Variants in BRINP1 observed in about 807,000 individuals in gnomAD.
BRINP1 encodes the protein BMP/retinoic acid inducible neural specific 1.
In BRINP1, 17 loss-of-function variants were observed where a neutral mutation model predicts 72.9. The ratio of observed to expected loss-of-function variants is 0.23; its 90% CI spans 0.16 to 0.35. The LOEUF is 0.35. Among genes scored for constraint, BRINP1 ranks in the 10% least tolerant of loss-of-function variants. BRINP1 has a pLI of 1.00. For synonymous variants in BRINP1, 418 were observed against 378.5 expected (o/e 1.10, Z -1.21); for missense variants, 850 against 1,001.6 (o/e 0.85, Z 2.04).
chr9:119,203,211 A>G (rs1829822214), intron 7 of BRINP1, among the ~76,000 whole-genome samples: 1 of 152,140 alleles, frequency 6.6e-6, no homozygotes, highest in African/African-American at 2.4e-5. Flanking sequence ...TGCTCTGCAC[A>G]GTGATCTTGA....
In BRINP1 at chr9:119,355,528, A is replaced by G. The variant is rs548906338; in HGVS notation, c.-51+13528T>C. ...CGAATCACAAGGTCAGGAGATTGAG[A>G]CCATCCTGGCTAACATGGTAAAACC... is the stretch of plus-strand genomic sequence containing the variant. On this transcript the variant is annotated intron_variant, in intron 1 of 7. Transcript: ENST00000265922. Among the ~76,000 whole-genome samples the G allele has an allele frequency of 4.6e-5, 7 of 152,188 alleles. No individual in the cohort carries two copies. The South Asian group carries it at 1.5e-3, about 32-fold the overall frequency.
At chr9:119,294,853 T>TAAAAAAAAAAAAAA (rs59715609) in intron 2 of BRINP1, among the ~76,000 whole-genome samples, 1 of 128,034 alleles carries the variant, frequency 7.8e-6, no homozygotes, top group Non-Finnish European at 1.6e-5. Flanking sequence ...GACACTACGT[T>TAAAAAAAAAAAAAA]AAAAAAAAAA....
chr9:119,172,779 C>G (rs965469985), intron 7 of BRINP1, among the ~76,000 whole-genome samples: 1 of 152,022 alleles, frequency 6.6e-6, no homozygotes, highest in African/African-American at 2.4e-5. Flanking sequence ...AAAGCTTATC[C>G]ACCACGATCA....
At chr9:119,274,416 G>A (rs1294923308) in intron 2 of BRINP1, among the ~76,000 whole-genome samples, 1 of 152,150 alleles carries the variant, frequency 6.6e-6, no homozygotes, top group Non-Finnish European at 1.5e-5. Flanking sequence ...ATTCCTCTAG[G>A]GTGACTAACA....
At chr9:119,355,586 G>A (rs560986324) in intron 1 of BRINP1, among the ~76,000 whole-genome samples, 205 of 152,100 alleles carry the variant, frequency 1.3e-3, no homozygotes, top group Non-Finnish European at 2.1e-3. Flanking sequence ...AAAATTAGCC[G>A]GGCGTGGTGG....
intron 1 of BRINP1, among the ~76,000 whole-genome samples, chr9:119,333,868 A>T (rs1250817731): frequency 6.6e-6 from 1 of 152,186 alleles, no homozygotes; most frequent in African/African-American, 2.4e-5. Flanking sequence ...TCTTCAAAAC[A>T]CAAACCATTT....
chr9:119,363,726 G>C (rs1469710851), intron 1 of BRINP1, among the ~76,000 whole-genome samples: 2 of 152,086 alleles, frequency 1.3e-5, no homozygotes, highest in Non-Finnish European at 2.9e-5. Context: ...GCCCAGACCT[G>C]TGCTATTCAA....
At chr9:119,266,026 G>C (rs1443477593) in intron 2 of BRINP1, among the ~76,000 whole-genome samples, 2 of 152,102 alleles carry the variant, frequency 1.3e-5, no homozygotes, top group Middle Eastern at 3.2e-3. Flanking sequence ...TGTTCTTTTT[G>C]AATTTACCTT....
intron 6 of BRINP1, among the ~76,000 whole-genome samples, chr9:119,210,857 T>C (rs193179653): frequency 3.0e-4 from 45 of 152,234 alleles, no homozygotes; most frequent in Non-Finnish European, 5.1e-4. Flanking sequence ...GAGAATGACA[T>C]AGTGGCATAG....
chr9:119,251,042 A>G (rs1217456848), intron 2 of BRINP1, among the ~76,000 whole-genome samples: 1 of 152,200 alleles, frequency 6.6e-6, no homozygotes, highest in African/African-American at 2.4e-5. Flanking sequence ...TGGGTCTGAG[A>G]AAAGCTTTCA....
At chr9:119,323,559 T>C (rs1831211329) in intron 1 of BRINP1, among the ~76,000 whole-genome samples, 1 of 152,128 alleles carries the variant, frequency 6.6e-6, no homozygotes, top group African/African-American at 2.4e-5. Flanking sequence ...AGATACATTT[T>C]CCTACATCAA....
rs927945180 is a variant in BRINP1, at chr9:119,368,541, G to A, written c.-51+515C>T. Among the ~76,000 whole-genome samples the A allele has an allele frequency of 5.3e-5, 8 of 152,030 alleles. No individual in the cohort carries two copies. The highest frequency in any genetic ancestry group is 3.9e-4 in the Admixed American group (6 of 15,276). On this transcript the variant is annotated intron_variant, in intron 1 of 7. Transcript: ENST00000265922. The surrounding 1 kb of genome is among the most constrained non-coding windows in gnomAD (Gnocchi z 4.7). ...GAGGAAGTCCACAGCGGGTTTCCCGGTGACTACGTGATCCTATAGTAAGGG... is the reference window on the plus strand; with the variant it reads ...GAGGAAGTCCACAGCGGGTTTCCCGATGACTACGTGATCCTATAGTAAGGG...
intron 1 of BRINP1, among the ~76,000 whole-genome samples, chr9:119,367,689 T>A (rs1831709530): frequency 6.6e-6 from 1 of 152,208 alleles, no homozygotes; most frequent in South Asian, 2.1e-4. Flanking sequence ...TGGCAGTATT[T>A]TGGAGCCAAG....
At chr9:119,177,829 G>A (rs1414421023) in intron 7 of BRINP1, among the ~76,000 whole-genome samples, 1 of 152,172 alleles carries the variant, frequency 6.6e-6, no homozygotes, top group Non-Finnish European at 1.5e-5. Context: ...ATACATTCGC[G>A]AGCTGCGTGG....
At chr9:119,351,737 A>C in intron 1 of BRINP1, among the ~76,000 whole-genome samples, 1 of 152,216 alleles carries the variant, frequency 6.6e-6, no homozygotes, top group East Asian at 1.9e-4. Flanking sequence ...ATGAATAATT[A>C]TAGTAGGAAA....
At chr9:119,262,246 A>C (rs1422294459) in intron 2 of BRINP1, among the ~76,000 whole-genome samples, 1 of 152,142 alleles carries the variant, frequency 6.6e-6, no homozygotes, top group Non-Finnish European at 1.5e-5. Flanking sequence ...ATGAGACCCA[A>C]GTCTATGAAT....
At chr9:119,184,537 A>G (rs562982889) in intron 7 of BRINP1, among the ~76,000 whole-genome samples, 92 of 152,238 alleles carry the variant, frequency 6.0e-4, no homozygotes, top group African/African-American at 2.2e-3. Flanking sequence ...ACACACTCAG[A>G]ATAAGTCTTG....
At chr9:119,227,331 C>T (rs1465104106) in intron 5 of BRINP1, among the ~76,000 whole-genome samples, 1 of 151,926 alleles carries the variant, frequency 6.6e-6, no homozygotes, top group African/African-American at 2.4e-5. Flanking sequence ...TCTTCTCTGC[C>T]CATCCTCCTC....
intron 1 of BRINP1, among the ~76,000 whole-genome samples, chr9:119,328,112 T>G (rs936297071): frequency 2.6e-5 from 4 of 151,986 alleles, no homozygotes; most frequent in African/African-American, 9.7e-5. Context: ...TGAAAAGAGA[T>G]AGTACGATGG....
Sources: allele counts gnomAD v4.1 joint callset (sites outside exome capture counted in the v4.1 genomes callset), GRCh38; gene constraint gnomAD v4.1.1; non-coding constraint Gnocchi (gnomAD v3.1); transcripts MANE v1.5; gene names NCBI Gene and HGNC (gene_info 2026-07-23, HGNC 2026-07-21).